The following TENM1 variants were observed in gnomAD, a reference collection of about 807,000 sequenced individuals.
The protein encoded by TENM1 is teneurin-1.
Under a neutral mutation model 174.8 loss-of-function variants are expected in TENM1, and 35 were observed. That is an observed-to-expected ratio of 0.20 (90% CI 0.15 to 0.27). The LOEUF is 0.27. Ranked by LOEUF, TENM1 falls within the 10% of genes least tolerant of loss-of-function variation. The pLI is 1.00. For missense variants in TENM1, 1,633 were observed against 2,130.1 expected, an observed-to-expected ratio of 0.77 and a Z score of 4.59; for synonymous variants, 781 against 798.7, an observed-to-expected ratio of 0.98 and a Z score of 0.37.
the TENM1 span, among the ~76,000 whole-genome samples, chrX:125,134,964 A>G: frequency 9.0e-6 from 1 of 111,124 alleles, no homozygotes; most frequent in African/African-American, 3.3e-5. Flanking sequence ...TACAAGAGAA[A>G]AGTGGATGGG....
intron 3 of TENM1, among the ~76,000 whole-genome samples, chrX:124,836,003 G>A (rs1042146280): frequency 4.5e-5 from 5 of 111,675 alleles, no homozygotes; most frequent in African/African-American, 1.3e-4. Context: ...ATAATTTTCC[G>A]TGGACCACAG....
the TENM1 span, among the ~76,000 whole-genome samples, chrX:125,174,931 T>C: frequency 1.8e-5 from 2 of 111,728 alleles, no homozygotes; most frequent in Non-Finnish European, 3.8e-5. Context: ...AGATGATAAC[T>C]GTGCAACCTT....
At chrX:124,612,682 T>C (rs1207712679) in intron 11 of TENM1, among the ~76,000 whole-genome samples, 1 of 111,297 alleles carries the variant, frequency 9.0e-6, no homozygotes, top group Admixed American at 9.6e-5. Context: ...GGCCTCCACA[T>C]TGGGTAGGCA....
chrX:124,722,433 T>A (rs1199458882), intron 4 of TENM1, among the ~76,000 whole-genome samples: 1 of 111,473 alleles, frequency 9.0e-6, no homozygotes, highest in Non-Finnish European at 1.9e-5. Flanking sequence ...GATGTATATT[T>A]GAGAACCAAC....
chrX:124,978,519 A>G, the TENM1 span, among the ~76,000 whole-genome samples: 2 of 111,944 alleles, frequency 1.8e-5, no homozygotes, highest in Non-Finnish European at 3.8e-5. Context: ...CATTTTGTCC[A>G]TTAGTTTCTT....
At chrX:125,117,418 G>A in the TENM1 span, among the ~76,000 whole-genome samples, 3 of 111,520 alleles carry the variant, frequency 2.7e-5, no homozygotes, top group Non-Finnish European at 5.6e-5. Context: ...GGATGAAGCT[G>A]GACACCATCA....
intron 23 of TENM1, among the ~76,000 whole-genome samples, chrX:124,443,044 ATGTGTGTG>A (rs59365041): frequency 0.023 from 1,209 of 51,845 alleles, 15 homozygotes; most frequent in East Asian, 0.11. Context: ...CTGGATGACT[ATGTGTGTG>A]TGTGTGTGTG....
intron 18 of TENM1, among the ~76,000 whole-genome samples, chrX:124,506,157 A>C (rs920969664): frequency 2.7e-5 from 3 of 111,893 alleles, no homozygotes. Flanking sequence ...CCTTCTGTAC[A>C]TTGTAAGTCT....
At chrX:125,191,186 G>T in the TENM1 span, among the ~76,000 whole-genome samples, 2 of 111,232 alleles carry the variant, frequency 1.8e-5, no homozygotes, top group African/African-American at 6.5e-5. Flanking sequence ...CCCAGAAGTA[G>T]AATTATTGGT....
chrX:125,003,392 C>T, the TENM1 span, among the ~76,000 whole-genome samples: 2 of 111,387 alleles, frequency 1.8e-5, no homozygotes, highest in South Asian at 3.8e-4. Context: ...GAGAAAGGTC[C>T]CCATATTTCC....
At chrX:125,131,039 G>T in the TENM1 span, among the ~76,000 whole-genome samples, 4 of 112,063 alleles carry the variant, frequency 3.6e-5, no homozygotes, top group African/African-American at 1.3e-4. Flanking sequence ...CTTGAAGGAA[G>T]TAAATTTTCA....
Position 124,888,533 on chromosome X carries a change from T to G in TENM1, c.535+5763A>C, listed in dbSNP as rs1171137170. Among the ~76,000 whole-genome samples the G allele has an allele frequency of 3.6e-5, 4 of 112,009 alleles. No homozygotes were observed. In the Admixed American group the frequency reaches 3.8e-4, roughly 11 times the overall value. On this transcript the variant is annotated intron_variant, in intron 3 of 31. Coordinates refer to ENST00000422452, the Ensembl canonical transcript of TENM1. ...AGGTTGTTGCCTATTAATAAAATGT[T>G]GTATTATTTAAAATAAGACAAGTGC...
At chrX:124,451,244 A>G (rs1172482643) in intron 23 of TENM1, among the ~76,000 whole-genome samples, 1 of 110,735 alleles carries the variant, frequency 9.0e-6, no homozygotes, top group Non-Finnish European at 1.9e-5. Context: ...GACCCAGATG[A>G]GAGCTACACT....
intron 23 of TENM1, among the ~76,000 whole-genome samples, chrX:124,436,873 A>G (rs932741961): frequency 9.3e-6 from 1 of 107,244 alleles, no homozygotes; most frequent in Non-Finnish European, 1.9e-5. Context: ...TGTACATCAC[A>G]TTCTCTATAT....
At chrX:124,945,810 G>T (rs963729564) in intron 1 of TENM1, among the ~76,000 whole-genome samples, 1 of 111,171 alleles carries the variant, frequency 9.0e-6, no homozygotes, top group Admixed American at 9.6e-5. Context: ...TTTGGAAAGT[G>T]ATCCCCAAAA....
At chrX:125,174,726 A>ATGG in the TENM1 span, among the ~76,000 whole-genome samples, 2 of 111,633 alleles carry the variant, frequency 1.8e-5, no homozygotes, top group African/African-American at 3.3e-5. Flanking sequence ...AAGAAGTCCT[A>ATGG]AATGTCTAAA....
intron 22 of TENM1, among the ~76,000 whole-genome samples, chrX:124,471,320 TTATAATATATAGTACTATATATAA>T (rs2061314278): frequency 2.8e-4 from 3 of 10,743 alleles, no homozygotes; most frequent in African/African-American, 4.1e-4. Context: ...GTACTATATA[TTATAATATATAGTACTATATATAA>T]TATATATTAT....
intron 4 of TENM1, among the ~76,000 whole-genome samples, chrX:124,708,736 A>C (rs2052971813): frequency 8.9e-6 from 1 of 111,773 alleles, no homozygotes; most frequent in Non-Finnish European, 1.9e-5. Context: ...AAGGAAAAAA[A>C]GTACATATGT....
chrX:124,734,447 C>CAAATAAATAAATAAAT (rs76682292), intron 4 of TENM1, among the ~76,000 whole-genome samples: 7 of 104,350 alleles, frequency 6.7e-5, no homozygotes, highest in East Asian at 3.1e-4. Context: ...GAGACTGTCT[C>CAAATAAATAAATAAAT]AAATAAATAA....
Sources: gnomAD v4.1 joint callset for allele counts (sites outside exome capture counted in the v4.1 genomes callset) on GRCh38, gnomAD v4.1.1 for gene constraint, MANE v1.5 for transcripts, NCBI Gene and HGNC (gene_info 2026-07-23, HGNC 2026-07-21) for gene names.